TMEFF1: variants seen among roughly 807,000 people sequenced by gnomAD.
The protein encoded by TMEFF1 is tomoregulin-1.
Under a neutral mutation model 47.5 loss-of-function variants are expected in TMEFF1, and 20 were observed. That is an observed-to-expected ratio of 0.42 (90% CI 0.30 to 0.61). The LOEUF is 0.61. TMEFF1 is among the 20% of genes least tolerant of loss of function. TMEFF1 has a pLI of 0.19. For synonymous variants in TMEFF1, 162 were observed against 166.3 expected (o/e 0.97, Z 0.20); for missense variants, 411 against 471.1 (o/e 0.87, Z 1.18).
At chr9:100,498,597 T>C (rs1837700893) in intron 1 of TMEFF1, among the ~76,000 whole-genome samples, 168 bp from the exon 2 acceptor site, 1 of 152,154 alleles carries the variant, frequency 6.6e-6, no homozygotes, top group Non-Finnish European at 1.5e-5. Context: ...ACTGAGCATT[T>C]TGTGTCTTAC....
intron 5 of TMEFF1, among the ~76,000 whole-genome samples, chr9:100,517,207 T>C (rs1328660441): frequency 6.6e-6 from 1 of 152,216 alleles, no homozygotes; most frequent in East Asian, 1.9e-4. Context: ...ATGTTTGATT[T>C]TTCCTTTCAT....
chr9:100,552,864 A>G (rs980567864), intron 7 of TMEFF1, among the ~76,000 whole-genome samples: 10 of 127,800 alleles, frequency 7.8e-5, no homozygotes, highest in Non-Finnish European at 1.3e-4. Context: ...ACTGTTTTGG[A>G]AAAAAAAAAA....
chr9:100,479,884 A>G (rs1837307791), intron 1 of TMEFF1, among the ~76,000 whole-genome samples: 1 of 152,202 alleles, frequency 6.6e-6, no homozygotes, highest in African/African-American at 2.4e-5. Flanking sequence ...GTATGTATCT[A>G]GGAGTGGAAT....
chr9:100,572,511 T>G lies in TMEFF1; in HGVS notation c.900-7T>G, dbSNP rs1839267056. On this transcript the variant is annotated splice_region_variant and splice_polypyrimidine_tract_variant and intron_variant, in intron 8 of 9. Coordinates refer to ENST00000374879, the MANE Select transcript of TMEFF1 (RefSeq NM_003692.5). Reference sequence around the variant, plus strand: ...TTCATAGGAATATATATATTTTTCCTTTTCAGATGTGAATCTGGCTACACT... The same window carrying G: ...TTCATAGGAATATATATATTTTTCCGTTTCAGATGTGAATCTGGCTACACT... 1 of 1,565,652 alleles carries G rather than the reference T, an allele frequency of 6.4e-7. No individual in the cohort carries two copies. Among genetic ancestry groups the G allele is most frequent in the African/African-American group, 1.4e-5 (1 of 72,616 alleles).
intron 3 of TMEFF1, 134 bp from the exon 4 acceptor site, chr9:100,513,173 G>C (rs1039537701): frequency 9.9e-6 from 12 of 1,206,788 alleles, no homozygotes; most frequent in African/African-American, 1.6e-5. Context: ...GAATAAATAA[G>C]ATATCAAAAA....
At chr9:100,501,982 G>A (rs926623623) in intron 2 of TMEFF1, among the ~76,000 whole-genome samples, 1 of 152,104 alleles carries the variant, frequency 6.6e-6, no homozygotes, top group African/African-American at 2.4e-5. Context: ...TATGCCCATA[G>A]TAAACAACTT....
chr9:100,538,535 C>G (rs1564022282), intron 5 of TMEFF1, among the ~76,000 whole-genome samples: 3 of 152,220 alleles, frequency 2.0e-5, no homozygotes, highest in Non-Finnish European at 4.4e-5. Context: ...CTGTCTCTCA[C>G]CCACATGCTA....
chr9:100,527,612 G>GGCTA (rs1024811770), intron 5 of TMEFF1, among the ~76,000 whole-genome samples: 1 of 152,124 alleles, frequency 6.6e-6, no homozygotes, highest in African/African-American at 2.4e-5. Flanking sequence ...TCTCGCTGAT[G>GGCTA]GCTAGCACAG....
chr9:100,522,985 G>A (rs1046462251), intron 5 of TMEFF1, among the ~76,000 whole-genome samples: 32 of 152,116 alleles, frequency 2.1e-4, no homozygotes, highest in Admixed American at 1.8e-3. Context: ...TGATTCGCCC[G>A]CCTCAGCTTC....
chr9:100,507,036 G>A (rs1837876322), intron 2 of TMEFF1, among the ~76,000 whole-genome samples: 2 of 152,044 alleles, frequency 1.3e-5, no homozygotes, highest in South Asian at 4.1e-4. Context: ...TCTCCCCACT[G>A]TAGTAGTGTC....
chr9:100,574,972 T>C (rs574227522), intron 9 of TMEFF1, among the ~76,000 whole-genome samples: 157 of 152,364 alleles, frequency 1.0e-3, no homozygotes, highest in Non-Finnish European at 2.0e-3. Context: ...TTTCTAACTA[T>C]GTCACAGTGT....
intron 7 of TMEFF1, among the ~76,000 whole-genome samples, chr9:100,556,792 C>A (rs1212253654): frequency 1.3e-5 from 2 of 152,112 alleles, no homozygotes; most frequent in Admixed American, 6.5e-5. Context: ...AGTATCTACT[C>A]CTATTGCTGA....
At chr9:100,492,554 G>C (rs1837573870) in intron 1 of TMEFF1, among the ~76,000 whole-genome samples, 1 of 152,202 alleles carries the variant, frequency 6.6e-6, no homozygotes, top group East Asian at 1.9e-4. Context: ...TATAGAGAAT[G>C]ACACACTTTG....
At chr9:100,498,721 T>C in intron 1 of TMEFF1, 44 bp from the exon 2 acceptor site, 2 of 1,602,606 alleles carry the variant, frequency 1.2e-6, no homozygotes, top group Non-Finnish European at 1.7e-6. Context: ...ACACACGTAA[T>C]AAAAAGCCAA....
chr9:100,551,150 T>C (rs7869547), intron 7 of TMEFF1, among the ~76,000 whole-genome samples: 3,821 of 152,354 alleles, frequency 0.025, 61 homozygotes, highest in Middle Eastern at 0.037. Context: ...TTAAAAGATA[T>C]GTGATCTATC....
In TMEFF1 at chr9:100,576,634, A is replaced by G. The variant is rs1839359144; in HGVS notation, c.*34A>G. 6.4e-7 allele frequency: 1 copy of G among 1,559,884 alleles called. No individual in the cohort carries two copies. Among genetic ancestry groups the G allele is most frequent in the Non-Finnish European group, 8.6e-7 (1 of 1,156,428 alleles). ...CTTTTATATGTACACTGACCATGTG[A>G]TGTACATTTATTATGTCTTTTTTTA... On this transcript the variant is annotated 3_prime_UTR_variant, in exon 10 of 10. Transcript: ENST00000374879.
intron 5 of TMEFF1, among the ~76,000 whole-genome samples, chr9:100,518,728 A>C (rs544298171): frequency 1.3e-5 from 2 of 152,298 alleles, no homozygotes; most frequent in South Asian, 4.1e-4. Context: ...TAACAGTGTA[A>C]ATGTATCTCA....
At chr9:100,551,582 T>C (rs1838827349) in intron 7 of TMEFF1, among the ~76,000 whole-genome samples, 1 of 152,200 alleles carries the variant, frequency 6.6e-6, no homozygotes, top group African/African-American at 2.4e-5. Context: ...CTAAAGCACT[T>C]GTGTGCCATT....
chr9:100,473,670 G>A lies in TMEFF1; in HGVS notation c.126G>A (p.Gln42=), dbSNP rs1477098684. 1.9e-6 allele frequency: 3 copies of A among 1,544,104 alleles called. No individual in the cohort carries two copies. The Admixed American group carries it at 6.0e-5, about 31-fold the overall frequency. The change falls in exon 1 of 10, where the codon CAG becomes CAA. Residue 42 remains glutamine, a synonymous_variant. Transcript: ENST00000374879. This position sits in a 1 kb window ranked among gnomAD's most constrained non-coding sequence, Gnocchi z 5.4. ...FSLPGSRASN[Q]PPGGGGGSGG... ...TGCCCGGGAGCCGCGCGTCCAACCA[G>A]CCCCCGGGTGGTGGCGGCGGCAGCG...
Sources: allele counts gnomAD v4.1 joint callset (sites outside exome capture counted in the v4.1 genomes callset), GRCh38; gene constraint gnomAD v4.1.1; non-coding constraint Gnocchi (gnomAD v3.1); transcripts MANE v1.5; gene names NCBI Gene and HGNC (gene_info 2026-07-23, HGNC 2026-07-21).